Variants in XKR4 observed in about 807,000 individuals in gnomAD.
The protein encoded by XKR4 is XK-related protein 4.
A neutral mutation model predicts 53.9 loss-of-function variants in XKR4; 12 were observed. The ratio of observed to expected loss-of-function variants is 0.22; its 90% CI spans 0.14 to 0.36. The LOEUF (loss-of-function observed/expected upper bound fraction) is 0.36, where lower values mean the gene tolerates loss of function less well. XKR4 is among the 10% of genes least tolerant of loss of function. The pLI is 1.00. For missense variants in XKR4, 799 were observed against 859.5 expected (o/e 0.93, Z 0.88); for synonymous variants, 354 against 362.4 (o/e 0.98, Z 0.26).
At chr8:55,381,365 G>C (rs905878149) in intron 2 of XKR4, among the ~76,000 whole-genome samples, 2 of 152,174 alleles carry the variant, frequency 1.3e-5, no homozygotes, top group Non-Finnish European at 2.9e-5. Flanking sequence ...GGATTTATTA[G>C]GGAAATTGGC....
chr8:55,142,361 C>T (rs900199379), intron 1 of XKR4: 3 of 351,560 alleles, frequency 8.5e-6, no homozygotes, highest in African/African-American at 4.3e-5. Flanking sequence ...TCCTGATTAA[C>T]GGTCTGTCCT....
intron 2 of XKR4, among the ~76,000 whole-genome samples, chr8:55,518,507 A>C (rs1163172514): frequency 6.6e-6 from 1 of 152,230 alleles, no homozygotes; most frequent in Non-Finnish European, 1.5e-5. Context: ...TGAGAAATAC[A>C]CTAATTAAAC....
In XKR4 at chr8:55,535,760, A is replaced by G. The variant is rs1288499435; in HGVS notation, c.*11533A>G. ...AAATAGTCACAGCCAGTCCATAACT[A>G]TAACAACAGACATGTCCACTTTGGA... is the stretch of plus-strand genomic sequence containing the variant. On this transcript the variant is annotated 3_prime_UTR_variant, in exon 3 of 3. Coordinates refer to ENST00000327381, the MANE Select transcript of XKR4 (RefSeq NM_052898.2). 3.9e-5 allele frequency: 6 copies of G among 152,226 alleles called. No individual in the cohort carries two copies. Among genetic ancestry groups the G allele is most frequent in the African/African-American group, 4.8e-5 (2 of 41,448 alleles). The allele number at this position is 152,226 out of a possible 1,614,324, so 9.4% of individuals were successfully genotyped here.
chr8:55,345,754 G>A (rs970775365), intron 1 of XKR4, among the ~76,000 whole-genome samples: 7 of 152,208 alleles, frequency 4.6e-5, no homozygotes, highest in East Asian at 1.9e-4. Context: ...TGCCTCTGGT[G>A]AGAGGTGGTG....
chr8:55,454,861 T>C, intron 2 of XKR4: 1 of 763,112 alleles, frequency 1.3e-6, no homozygotes, highest in South Asian at 1.4e-5. Flanking sequence ...TCCCACTCAG[T>C]GGCATCCTTA....
intron 1 of XKR4, among the ~76,000 whole-genome samples, chr8:55,183,604 TG>T (rs1817341935): frequency 6.6e-6 from 1 of 152,260 alleles, no homozygotes; most frequent in African/African-American, 2.4e-5. Flanking sequence ...GAACATGCTT[TG>T]TATGATTTCT....
intron 2 of XKR4, among the ~76,000 whole-genome samples, chr8:55,463,807 C>A (rs1334458731): frequency 6.6e-6 from 1 of 151,848 alleles, no homozygotes; most frequent in Admixed American, 6.6e-5. Flanking sequence ...ACCACCAATC[C>A]CACAGAAATA....
intron 1 of XKR4, among the ~76,000 whole-genome samples, chr8:55,180,200 A>T (rs182699479): frequency 3.3e-5 from 5 of 152,352 alleles, no homozygotes; most frequent in Admixed American, 2.6e-4. Context: ...ATAGCAGCAC[A>T]CATTTCAGCA....
chr8:55,443,023 T>C (rs1324584796), intron 2 of XKR4, among the ~76,000 whole-genome samples: 1 of 152,196 alleles, frequency 6.6e-6, no homozygotes, highest in Non-Finnish European at 1.5e-5. Context: ...TACATTCAAA[T>C]CTTTCTAAAA....
chr8:55,309,426 G>A (rs575674593), intron 1 of XKR4, among the ~76,000 whole-genome samples: 2 of 152,206 alleles, frequency 1.3e-5, no homozygotes, highest in Non-Finnish European at 2.9e-5. Flanking sequence ...AAGAGAAAGT[G>A]TGAGAGGGAA....
chr8:55,451,641 C>A, intron 2 of XKR4: 1 of 1,554,238 alleles, frequency 6.4e-7, no homozygotes, highest in Non-Finnish European at 8.8e-7. Context: ...ACACGCGCTG[C>A]AGGGCGTTGT....
chr8:55,237,164 C>T (rs550079255), intron 1 of XKR4, among the ~76,000 whole-genome samples: 15 of 152,266 alleles, frequency 9.9e-5, no homozygotes, highest in East Asian at 3.9e-4. Context: ...CTCTCCTTCG[C>T]GGAGATGAAT....
intron 1 of XKR4, among the ~76,000 whole-genome samples, chr8:55,263,819 A>G (rs1818563141): frequency 6.6e-6 from 1 of 152,220 alleles, no homozygotes; most frequent in African/African-American, 2.4e-5. Flanking sequence ...CTTGGCTGAA[A>G]CAAACGTCTG....
At chr8:55,501,167 T>G (rs985221638) in intron 2 of XKR4, among the ~76,000 whole-genome samples, 1 of 152,236 alleles carries the variant, frequency 6.6e-6, no homozygotes, top group Non-Finnish European at 1.5e-5. Flanking sequence ...GAAACCTAAA[T>G]GTATCTGGTG....
In XKR4 at chr8:55,538,842, C is replaced by G. The variant is rs973689854; in HGVS notation, c.*14615C>G. 1 of 152,166 alleles carries G rather than the reference C, an allele frequency of 6.6e-6. No homozygotes were observed. Among genetic ancestry groups the G allele is most frequent in the Admixed American group, 6.5e-5 (1 of 15,272 alleles). The allele number at this position is 152,166 out of a possible 1,614,324, so 9.4% of individuals were successfully genotyped here. On this transcript the variant is annotated 3_prime_UTR_variant, in exon 3 of 3. Coordinates refer to ENST00000327381, the MANE Select transcript of XKR4 (RefSeq NM_052898.2). ...CATTTCCATTGAGTATCCTCTTCAC[C>G]CCTAAGATGACACATCTTTACAACA...
At chr8:55,268,770 A>G (rs925762300) in intron 1 of XKR4, among the ~76,000 whole-genome samples, 1 of 152,194 alleles carries the variant, frequency 6.6e-6, no homozygotes, top group Non-Finnish European at 1.5e-5. Flanking sequence ...CCATATTTCT[A>G]TTCCTATTTT....
intron 1 of XKR4, among the ~76,000 whole-genome samples, chr8:55,178,458 A>G (rs1253887034): frequency 6.6e-6 from 1 of 152,222 alleles, no homozygotes; most frequent in East Asian, 1.9e-4. Context: ...GTTCAGTACA[A>G]TGCCTATCAT....
intron 2 of XKR4, among the ~76,000 whole-genome samples, chr8:55,443,392 T>G (rs182241043): frequency 6.6e-6 from 1 of 150,864 alleles, no homozygotes; most frequent in African/African-American, 2.4e-5. Context: ...CAACCATGAG[T>G]GATTTTTTTT....
In XKR4 at chr8:55,525,559, A is replaced by G. The variant is rs1011009787; in HGVS notation, c.*1332A>G. 6.6e-6 allele frequency: 1 copy of G among 152,560 alleles called. No individual in the cohort carries two copies. Among genetic ancestry groups the G allele is most frequent in the South Asian group, 2.1e-4 (1 of 4,814 alleles). 9.5% of individuals were successfully genotyped at this position (152,560 alleles called of 1,614,324 possible). Reference sequence around the variant, plus strand: ...ATCTGTAAAGTCGCACTCTTACAACAAGCTTCTGGGTTTTAAATACCTCCG... The same window carrying G: ...ATCTGTAAAGTCGCACTCTTACAACGAGCTTCTGGGTTTTAAATACCTCCG... On this transcript the variant is annotated 3_prime_UTR_variant, in exon 3 of 3. Coordinates refer to ENST00000327381, the MANE Select transcript of XKR4 (RefSeq NM_052898.2).
Sources: gnomAD v4.1 joint callset for allele counts (sites outside exome capture counted in the v4.1 genomes callset) on GRCh38, gnomAD v4.1.1 for gene constraint, MANE v1.5 for transcripts, NCBI Gene and HGNC (gene_info 2026-07-23, HGNC 2026-07-21) for gene names.